The following KMT2C variants were observed in gnomAD, a reference collection of about 807,000 sequenced individuals.
The protein encoded by KMT2C is lysine methyltransferase 2C.
KMT2C carries 88 observed loss-of-function variants against 507.9 expected under a neutral mutation model. That is an observed-to-expected ratio of 0.17 (90% CI 0.15 to 0.21). KMT2C has a LOEUF of 0.21. KMT2C is among the 10% of genes least tolerant of loss of function. KMT2C has a pLI of 1.00. For synonymous variants in KMT2C, 2,049 were observed against 2,080.8 expected, an observed-to-expected ratio of 0.98 and a Z score of 0.42; for missense variants, 4,954 against 5,957.8, an observed-to-expected ratio of 0.83 and a Z score of 5.55.
rs2097866169 is a variant in KMT2C, at chr7:152,431,953, G to A, written c.161+3673C>T. 2.6e-5 allele frequency among the ~76,000 whole-genome samples: 4 copies of A among 152,212 alleles called. No homozygotes were observed. The South Asian group carries it at 8.3e-4, about 32-fold the overall frequency. On this transcript the variant is annotated intron_variant, in intron 1 of 58. Transcript: ENST00000262189. ...TCACTTATTTCAAATTCACAGCTAT[G>A]AAAAGGAGAAATTTTGTTGGGGGAA...
intron 1 of KMT2C, among the ~76,000 whole-genome samples, chr7:152,386,082 G>T (rs112934062): frequency 7.7e-6 from 1 of 129,962 alleles, no homozygotes; most frequent in Admixed American, 7.9e-5. Context: ...ATGAGACTCC[G>T]TCAAAAAAAA....
chr7:152,187,884 C>G (rs1588056275), intron 31 of KMT2C, 37 bp from the exon 32 acceptor site: 1 of 1,608,678 alleles, frequency 6.2e-7, no homozygotes, highest in African/African-American at 1.3e-5. Context: ...GCATGATATT[C>G]ACAAGTAACA....
chr7:152,160,615 A>G (rs1034711249), intron 43 of KMT2C, among the ~76,000 whole-genome samples: 1 of 145,458 alleles, frequency 6.9e-6, no homozygotes, highest in African/African-American at 2.6e-5. Context: ...AAAATTAATT[A>G]TATATATATA....
At chr7:152,209,108 G>A (rs1421182358) in intron 23 of KMT2C, among the ~76,000 whole-genome samples, 6 of 149,546 alleles carry the variant, frequency 4.0e-5, no homozygotes, top group African/African-American at 5.0e-5. Flanking sequence ...TCAGTGAGCC[G>A]AGATTGTGCC....
At chr7:152,369,338 CAA>C (rs369176050) in intron 1 of KMT2C, among the ~76,000 whole-genome samples, 1 of 139,648 alleles carries the variant, frequency 7.2e-6, no homozygotes, top group Non-Finnish European at 1.6e-5. Flanking sequence ...AAAACAAAAA[CAA>C]AAAAAAAAAC....
At chr7:152,408,193 C>A (rs2097640785) in intron 1 of KMT2C, among the ~76,000 whole-genome samples, 1 of 151,980 alleles carries the variant, frequency 6.6e-6, no homozygotes. Context: ...GAGGCTGAGG[C>A]ATGAGAATCG....
At chr7:152,410,391 G>A (rs1383468042) in intron 1 of KMT2C, among the ~76,000 whole-genome samples, 8 of 148,734 alleles carry the variant, frequency 5.4e-5, no homozygotes, top group African/African-American at 1.0e-4. Context: ...CAGCTTGGGC[G>A]ACGGAGGAAG....
chr7:152,197,382 T>G (rs978824592), intron 27 of KMT2C, among the ~76,000 whole-genome samples: 15 of 152,306 alleles, frequency 9.8e-5, no homozygotes, highest in African/African-American at 3.6e-4. Flanking sequence ...AAGCTTATTT[T>G]TACTTAAAAG....
intron 1 of KMT2C, among the ~76,000 whole-genome samples, chr7:152,389,560 T>A (rs2097472218): frequency 6.6e-6 from 1 of 151,794 alleles, no homozygotes; most frequent in South Asian, 2.1e-4. Context: ...CCTCAAGCAA[T>A]CCTCCCAAGT....
chr7:152,291,119 A>G (rs2096419323), intron 6 of KMT2C, among the ~76,000 whole-genome samples: 1 of 152,212 alleles, frequency 6.6e-6, no homozygotes. Context: ...TATGAAATCT[A>G]CAGGAAAAGC....
chr7:152,142,914 T>C (rs1302231605), intron 55 of KMT2C, among the ~76,000 whole-genome samples: 2 of 152,160 alleles, frequency 1.3e-5, no homozygotes, highest in African/African-American at 4.8e-5. Context: ...GGATACATAT[T>C]AGATCATCCA....
chr7:152,187,924 A>G, intron 31 of KMT2C, 77 bp from the exon 32 acceptor site: 4 of 1,440,470 alleles, frequency 2.8e-6, no homozygotes, highest in Non-Finnish European at 3.9e-6. Context: ...GCCCTTGAAC[A>G]ACATGGTTTT....
chr7:152,292,179 CTAATT>C (rs1347930610), intron 6 of KMT2C, among the ~76,000 whole-genome samples: 1 of 152,224 alleles, frequency 6.6e-6, no homozygotes. Context: ...GCTTTGCTAT[CTAATT>C]TGTTAATAAT....
intron 1 of KMT2C, among the ~76,000 whole-genome samples, chr7:152,400,009 A>G (rs2097562190): frequency 6.6e-6 from 1 of 152,128 alleles, no homozygotes; most frequent in South Asian, 2.1e-4. Context: ...TAGAGAAAAC[A>G]AAGAAAAGAT....
At chr7:152,433,986 T>C (rs2097890968) in intron 1 of KMT2C, among the ~76,000 whole-genome samples, 1 of 152,240 alleles carries the variant, frequency 6.6e-6, no homozygotes, top group South Asian at 2.1e-4. Context: ...TGCAAATTAA[T>C]GTTCAGTAAG....
chr7:152,276,843 T>TC (rs2129179452), intron 6 of KMT2C, among the ~76,000 whole-genome samples: 1 of 152,374 alleles, frequency 6.6e-6, no homozygotes, highest in Non-Finnish European at 1.5e-5. Flanking sequence ...CAGCATTTTT[T>TC]CTTTTTACTT....
intron 24 of KMT2C, among the ~76,000 whole-genome samples, chr7:152,205,793 G>A (rs539214939): frequency 1.3e-5 from 2 of 152,222 alleles, no homozygotes; most frequent in South Asian, 2.1e-4. Context: ...TGATGTTCAC[G>A]CAACGATGAA....
chr7:152,362,130 A>G (rs2097202070), intron 1 of KMT2C, among the ~76,000 whole-genome samples: 1 of 152,236 alleles, frequency 6.6e-6, no homozygotes, highest in South Asian at 2.1e-4. Context: ...AGCAAAGAAA[A>G]AGGGACTAGC....
chr7:152,191,515 T>C (rs1320445544), intron 31 of KMT2C, among the ~76,000 whole-genome samples: 1 of 152,248 alleles, frequency 6.6e-6, no homozygotes, highest in East Asian at 1.9e-4. Flanking sequence ...GGAACCTACT[T>C]TTTAACTTAG....
Sources: allele counts gnomAD v4.1 joint callset (sites outside exome capture counted in the v4.1 genomes callset), GRCh38; gene constraint gnomAD v4.1.1; transcripts MANE v1.5; gene names NCBI Gene and HGNC (gene_info 2026-07-23, HGNC 2026-07-21).